The following ZNF37A variants were observed in gnomAD, a reference collection of about 807,000 sequenced individuals.
The protein encoded by ZNF37A is zinc finger protein 37a (KOX 21).
A neutral mutation model predicts 12.3 loss-of-function variants in ZNF37A; 10 were observed. The observed-to-expected ratio is 0.82, with a 90% CI of 0.50 to 1.38. The LOEUF is 1.38. Ranked by LOEUF, ZNF37A falls within the 40% of genes most tolerant of loss-of-function variation. ZNF37A has a pLI of 0.00. For missense variants in ZNF37A, 580 were observed against 651.2 expected (o/e 0.89, Z 1.19); for synonymous variants, 207 against 223.0 (o/e 0.93, Z 0.64).
At chr10:38,101,427 T>A (rs1259027999) in intron 5 of ZNF37A, among the ~76,000 whole-genome samples, 1 of 152,070 alleles carries the variant, frequency 6.6e-6, no homozygotes, top group East Asian at 1.9e-4. Flanking sequence ...AATTGTCCTT[T>A]CCTTATTGAC....
intron 7 of ZNF37A, chr10:38,142,330 A>G (rs1330730635): frequency 6.6e-6 from 1 of 152,230 alleles, no homozygotes; most frequent in Non-Finnish European, 1.5e-5. Flanking sequence ...AGAGAACAAT[A>G]TAAACAAGCT....
At chr10:38,137,290 G>A (rs966160384) in intron 7 of ZNF37A, 8 of 152,130 alleles carry the variant, frequency 5.3e-5, no homozygotes, top group African/African-American at 1.4e-4. Context: ...GGCTTGTTGG[G>A]CTTTAAAAAA....
chr10:38,095,416 C>G (rs538993874), intron 2 of ZNF37A, 122 bp from the exon 3 acceptor site: 3 of 152,494 alleles, frequency 2.0e-5, no homozygotes, highest in Non-Finnish European at 2.9e-5. Context: ...GAGGGCAAGG[C>G]CGAAGGAGCA....
intron 7 of ZNF37A, chr10:38,143,727 G>C (rs1359602841): frequency 6.6e-6 from 1 of 152,250 alleles, no homozygotes; most frequent in African/African-American, 2.4e-5. Context: ...TAAGCTCCAT[G>C]TGAATAACCT....
At chr10:38,103,348 T>C (rs889958164) in intron 5 of ZNF37A, among the ~76,000 whole-genome samples, 2 of 152,216 alleles carry the variant, frequency 1.3e-5, no homozygotes, top group African/African-American at 4.8e-5. Flanking sequence ...AAATTTTAGT[T>C]GTTGTACTTG....
At chr10:38,130,944 A>G (rs1362872578) in intron 7 of ZNF37A, among the ~76,000 whole-genome samples, 1 of 152,136 alleles carries the variant, frequency 6.6e-6, no homozygotes, top group Non-Finnish European at 1.5e-5. Context: ...GCACTTCTCT[A>G]ATGACTACTG....
At chr10:38,108,156 G>T (rs1185780446) in intron 5 of ZNF37A, among the ~76,000 whole-genome samples, 1 of 152,000 alleles carries the variant, frequency 6.6e-6, no homozygotes, top group Non-Finnish European at 1.5e-5. Context: ...CAGTCTCTCG[G>T]GCCACAGTGC....
At chr10:38,098,972 T>G (rs1284951682) in intron 5 of ZNF37A, among the ~76,000 whole-genome samples, 7 of 152,216 alleles carry the variant, frequency 4.6e-5, no homozygotes, top group Non-Finnish European at 1.0e-4. Context: ...TGTGGATACT[T>G]CAGTATTTTT....
At chr10:38,111,476 TATA>T (rs1371544589) in intron 5 of ZNF37A, among the ~76,000 whole-genome samples, 1 of 151,580 alleles carries the variant, frequency 6.6e-6, no homozygotes, top group Non-Finnish European at 1.5e-5. Flanking sequence ...GAACTTAAAG[TATA>T]ATAATAAAAA....
At chr10:38,109,891 C>A (rs2068485115) in intron 5 of ZNF37A, among the ~76,000 whole-genome samples, 1 of 152,122 alleles carries the variant, frequency 6.6e-6, no homozygotes, top group Non-Finnish European at 1.5e-5. Flanking sequence ...TAGGAAGAAT[C>A]AGTATTGTGA....
Position 38,114,900 on chromosome 10 carries a change from C to T in ZNF37A, c.142+19C>T, listed in dbSNP as rs2069122305. 4 of 1,599,392 alleles carry T rather than the reference C, an allele frequency of 2.5e-6. No homozygotes were observed. The highest frequency in any genetic ancestry group is 3.4e-6 in the Non-Finnish European group (4 of 1,174,166). On this transcript the variant is annotated intron_variant, in intron 6 of 7. Coordinates refer to ENST00000685332, the MANE Select transcript of ZNF37A (RefSeq NM_001324250.3). The stretch of plus-strand genomic sequence containing the variant: ...TCAGTAGGTAGGTAGGAATTGTTTC[C>T]CATGTAGAAGGCCAGAATGCATGTC...
intron 7 of ZNF37A, among the ~76,000 whole-genome samples, chr10:38,116,343 C>A (rs1590900926): frequency 1.3e-5 from 2 of 152,138 alleles, no homozygotes; most frequent in East Asian, 1.9e-4. Context: ...TTATAGCAAT[C>A]CAGCTGATGT....
At chr10:38,131,942 A>G (rs2474588) in intron 7 of ZNF37A, among the ~76,000 whole-genome samples, 61,083 of 151,922 alleles carry the variant, frequency 0.4, 12,526 homozygotes, top group East Asian at 0.5. Flanking sequence ...TTTTTCGTCA[A>G]TGGTATAGCA....
At chr10:38,139,994 GT>G (rs756456683) in intron 7 of ZNF37A, 1 of 152,122 alleles carries the variant, frequency 6.6e-6, no homozygotes, top group Non-Finnish European at 1.5e-5. Context: ...GCAGTTTGAT[GT>G]TTACTCTACA....
chr10:38,098,730 A>G (rs539297952), intron 5 of ZNF37A, among the ~76,000 whole-genome samples: 13 of 152,236 alleles, frequency 8.5e-5, no homozygotes, highest in Non-Finnish European at 1.5e-4. Flanking sequence ...ATTGAGACTC[A>G]GCCATACTCA....
intron 5 of ZNF37A, among the ~76,000 whole-genome samples, chr10:38,100,643 G>C (rs529976892): frequency 6.6e-5 from 10 of 152,238 alleles, no homozygotes; most frequent in African/African-American, 1.2e-4. Context: ...CTGTTATCCT[G>C]TTCTTTTTTC....
intron 7 of ZNF37A, among the ~76,000 whole-genome samples, chr10:38,132,354 G>C (rs552024490): frequency 6.6e-6 from 1 of 152,014 alleles, no homozygotes; most frequent in Admixed American, 6.6e-5. Flanking sequence ...CAACTGAAAC[G>C]ATCATGTATA....
At position 38,146,806 on chromosome 10, in the gene ZNF37A, A is replaced by G. The variant is rs1590955072; in HGVS notation, c.313A>G (p.Thr105Ala). 3 of 398,464 alleles carry G rather than the reference A, an allele frequency of 7.5e-6. No individual in the cohort carries two copies. The East Asian group carries it at 1.1e-4, about 14-fold the overall frequency. 24.7% of individuals were successfully genotyped at this position (398,464 alleles called of 1,614,324 possible). ...GACCAGCTCGGTCGTGGAGACTCCA[A>G]CCGAGCGGCACTAGAGGAATGAAGA... Residue 105 changes from threonine (T) to alanine (A), a missense_variant, in exon 8 of 8, where the codon ACC (threonine) becomes GCC (alanine). Transcript: ENST00000638053.
chr10:38,106,100 GTATGTTACC>G (rs1316020394), intron 5 of ZNF37A, among the ~76,000 whole-genome samples: 1 of 152,094 alleles, frequency 6.6e-6, no homozygotes, highest in African/African-American at 2.4e-5. Context: ...TCACTGTGGA[GTATGTTACC>G]TATGAGTTTT....
Sources: gnomAD v4.1 joint callset for allele counts (sites outside exome capture counted in the v4.1 genomes callset) on GRCh38, gnomAD v4.1.1 for gene constraint, MANE v1.5 for transcripts, NCBI Gene and HGNC (gene_info 2026-07-23, HGNC 2026-07-21) for gene names.